The following DZIP3 variants were observed in gnomAD, a reference collection of about 807,000 sequenced individuals.
DZIP3 encodes E3 ubiquitin-protein ligase DZIP3.
A neutral mutation model predicts 162.0 loss-of-function variants in DZIP3; 118 were observed. The ratio of observed to expected loss-of-function variants is 0.73; its 90% CI spans 0.63 to 0.85. The LOEUF is 0.85. Ranked by LOEUF, DZIP3 falls within the 40% of genes least tolerant of loss-of-function variation. The pLI is 0.00. For missense variants in DZIP3, 1,331 were observed against 1,407.0 expected (o/e 0.95, Z 0.86); for synonymous variants, 438 against 458.6 (o/e 0.96, Z 0.57).
At chr3:108,616,745 G>C in intron 5 of DZIP3, 88 bp downstream of exon 5, 1 of 892,922 alleles carries the variant, frequency 1.1e-6, no homozygotes, top group East Asian at 2.6e-5. Context: ...TTATTTTAAG[G>C]TGTGGGCCAA....
At chr3:108,614,397 C>T (rs1467552185) in intron 4 of DZIP3, among the ~76,000 whole-genome samples, 1 of 152,170 alleles carries the variant, frequency 6.6e-6, no homozygotes, top group Non-Finnish European at 1.5e-5. Flanking sequence ...AAACTGGACA[C>T]ATTTTTTTCT....
At chr3:108,638,083 G>A (rs1449050435) in intron 12 of DZIP3, among the ~76,000 whole-genome samples, 2 of 152,084 alleles carry the variant, frequency 1.3e-5, no homozygotes, top group East Asian at 1.9e-4. Flanking sequence ...TAGGGACATT[G>A]CATTGACATC....
rs770292878 is a variant in DZIP3, at chr3:108,687,987, C to A, written c.3161C>A (p.Thr1054Lys). ...TTGATCTCTTGCAGAAAGGAACTTA[C>A]AGATTTCTTACGGAAATTGAAGGAT... The part of the protein sequence containing the change: ...AFPQQTRKEL[T>K]DFLRKLKDAY... The change falls in exon 29 of 33, where the codon ACA becomes AAA. Residue 1054 changes from threonine (T) to lysine (K), a missense_variant. Thr to Lys is a moderately conservative substitution (Grantham distance 78). Around this residue, in one of 2 missense-constraint regions of DZIP3, gnomAD observed 1,278 missense variants for 1,317.1 expected, o/e 0.97. Coordinates refer to ENST00000361582, the MANE Select transcript of DZIP3 (RefSeq NM_014648.4). The A allele has an allele frequency of 2.5e-6, 4 of 1,613,438 alleles. No homozygotes were observed. The highest frequency in any genetic ancestry group is 1.1e-5 in the South Asian group (1 of 91,072).
At chr3:108,680,469 A>T (rs565470473) in intron 26 of DZIP3, among the ~76,000 whole-genome samples, 81 of 152,254 alleles carry the variant, frequency 5.3e-4, no homozygotes, top group African/African-American at 1.8e-3. Context: ...AACATACAAG[A>T]ATCAATAGCA....
rs1435653671 is a variant in DZIP3 at position 108,694,148 on chromosome 3, C to T, written c.*795C>T. On this transcript the variant is annotated 3_prime_UTR_variant, in exon 33 of 33. Transcript: ENST00000361582. Reference sequence around the variant, plus strand: ...ACAATTTTGCCTCCATATTTCAGTGCAAATATATTTTGAAGTTACTTTTAA... The same window carrying T: ...ACAATTTTGCCTCCATATTTCAGTGTAAATATATTTTGAAGTTACTTTTAA... 3 of 151,974 alleles carry T rather than the reference C, an allele frequency of 2.0e-5. No homozygotes were observed. The highest frequency in any genetic ancestry group is 4.4e-5 in the Non-Finnish European group (3 of 68,002). The allele number at this position is 151,974 out of a possible 1,614,324, so 9.4% of individuals were successfully genotyped here.
chr3:108,665,372 G>C (rs1943624140), intron 21 of DZIP3, among the ~76,000 whole-genome samples: 1 of 152,062 alleles, frequency 6.6e-6, no homozygotes, highest in Non-Finnish European at 1.5e-5. Context: ...ACAGAGGATT[G>C]AATCAGTGAA....
In DZIP3 at chr3:108,634,834, A is replaced by G. The variant is rs781276207; in HGVS notation, c.817-37A>G. On this transcript the variant is annotated intron_variant, in intron 9 of 32. Transcript: ENST00000361582. ...TTTTTTTATCTATACAAGAATCACC[A>G]TGTCCTTATTGATAACTTACTTTTA... The G allele has an allele frequency of 1.3e-5, 18 of 1,362,090 alleles. No homozygotes were observed. In the South Asian group the frequency reaches 1.9e-4, roughly 14 times the overall value. The allele number at this position is 1,362,090 out of a possible 1,614,324, so 84.4% of individuals were successfully genotyped here. A position where few individuals can be genotyped will look rare whatever the true frequency, so the allele number is the denominator to read the frequency against.
chr3:108,686,341 T>C lies in DZIP3; in HGVS notation c.3010-104T>C. On this transcript the variant is annotated intron_variant, in intron 27 of 32. Coordinates refer to ENST00000361582, the MANE Select transcript of DZIP3 (RefSeq NM_014648.4). Reference sequence around the variant, plus strand: ...TAAGAGAAAAACTGTAAAAATTGAATGTGTATGCCAGTACGCTTCTTCATT... The same window carrying C: ...TAAGAGAAAAACTGTAAAAATTGAACGTGTATGCCAGTACGCTTCTTCATT... The C allele has an allele frequency of 2.8e-6, 3 of 1,056,344 alleles. No individual in the cohort carries two copies. The South Asian group carries it at 9.6e-5, about 34-fold the overall frequency. The allele number at this position is 1,056,344 out of a possible 1,614,324, so 65.4% of individuals were successfully genotyped here.
intron 7 of DZIP3, among the ~76,000 whole-genome samples, chr3:108,627,368 G>A (rs938494808): frequency 2.0e-5 from 3 of 152,148 alleles, no homozygotes; most frequent in Non-Finnish European, 4.4e-5. Context: ...GCTCCTCAAA[G>A]ACACTGGTGC....
In DZIP3 at chr3:108,674,190, T is replaced by C. The variant is rs200914670; in HGVS notation, c.2693+9T>C. The C allele has an allele frequency of 1.2e-6, 2 of 1,607,998 alleles. No homozygotes were observed. Among genetic ancestry groups the C allele is most frequent in the Non-Finnish European group, 1.7e-6 (2 of 1,175,270 alleles). On this transcript the variant is annotated intron_variant, in intron 24 of 32. Coordinates refer to ENST00000361582, the MANE Select transcript of DZIP3 (RefSeq NM_014648.4). The stretch of plus-strand genomic sequence containing the variant: ...ACTCACATGGCAGCAAGGTAACCTT[T>C]CCCTCTTCCTTAATGCATCTTAATT...
chr3:108,644,211 C>G lies in DZIP3; in HGVS notation c.1189C>G (p.Leu397Val). 1 of 1,608,846 alleles carries G rather than the reference C, an allele frequency of 6.2e-7. No individual in the cohort carries two copies. The highest frequency in any genetic ancestry group is 8.5e-7 in the Non-Finnish European group (1 of 1,177,872). The change falls in exon 14 of 33, where the codon CTT becomes GTT. Residue 397 changes from leucine to valine, a missense_variant. By Grantham distance (32) the Leu-to-Val change is conservative (BLOSUM62 1). Transcript: ENST00000361582. ...TGATTATAATTATTTCTATCATCTGCTTCATATAATTATTATTTCTGGTAC... is the reference window on the plus strand; with the variant it reads ...TGATTATAATTATTTCTATCATCTGGTTCATATAATTATTATTTCTGGTAC... The part of the protein sequence containing the change: ...KLDYNYFYHL[L>V]HIIIISGTDI...
At position 108,589,768 on chromosome 3, in the gene DZIP3, T is replaced by C. The variant is rs1939273288; in HGVS notation, c.-144T>C. 6.2e-6 allele frequency: 1 copy of C among 162,276 alleles called. No homozygotes were observed. The highest frequency in any genetic ancestry group is 2.4e-5 in the African/African-American group (1 of 41,658). The allele number at this position is 162,276 out of a possible 1,614,324, so 10.1% of individuals were successfully genotyped here. A position where few individuals can be genotyped will look rare whatever the true frequency, so the allele number is the denominator to read the frequency against. On this transcript the variant is annotated 5_prime_UTR_variant, in exon 1 of 33. Transcript: ENST00000361582. ...TCGTGCGCTTCCTCGTCCTTCATGT[T>C]GGATGGCCAGTTTTTCGTTTGTGCG...
rs761274248 is a variant in DZIP3, at chr3:108,644,638, G to A, written c.1616G>A (p.Arg539His). ...AAAAAAGTTTCAGATATTCTTCTGC[G>A]CCTTGGGATGATGCAAGAGGATATT... ...IWKKVSDILL[R>H]LGMMQEDIDK... The change falls in exon 14 of 33, where the codon CGC becomes CAC. Residue 539 changes from arginine to histidine, a missense_variant. Physicochemically the swap from Arg to His is conservative, Grantham distance 29. This residue lies in a region of DZIP3 where 1,278 missense variants were observed against 1,317.1 expected (regional missense o/e 0.97). Transcript: ENST00000361582. 7.4e-6 allele frequency: 12 copies of A among 1,613,888 alleles called. No individual in the cohort carries two copies. The highest frequency in any genetic ancestry group is 6.7e-5 in the East Asian group (3 of 44,888).
At chr3:108,651,515 A>G (rs554671341) in intron 18 of DZIP3, among the ~76,000 whole-genome samples, 3 of 151,718 alleles carry the variant, frequency 2.0e-5, no homozygotes, top group Admixed American at 1.3e-4. Context: ...TAAAGGATGC[A>G]TCACTCCTAG....
chr3:108,677,721 G>A, intron 26 of DZIP3, 123 bp downstream of exon 26: 1 of 840,190 alleles, frequency 1.2e-6, no homozygotes, highest in Non-Finnish European at 2.0e-6. Context: ...CATATTGTGA[G>A]TATCACTTGT....
intron 12 of DZIP3, among the ~76,000 whole-genome samples, chr3:108,639,607 T>C (rs1942298238): frequency 6.6e-6 from 1 of 152,106 alleles, no homozygotes; most frequent in Non-Finnish European, 1.5e-5. Flanking sequence ...TCTGGTTTCT[T>C]CAGCCAAAGA....
At chr3:108,659,024 C>T (rs1943286511) in intron 19 of DZIP3, among the ~76,000 whole-genome samples, 1 of 152,084 alleles carries the variant, frequency 6.6e-6, no homozygotes, top group Non-Finnish European at 1.5e-5. Flanking sequence ...AAAAAAAGTC[C>T]AGGACCAGAT....
intron 9 of DZIP3, among the ~76,000 whole-genome samples, chr3:108,634,510 A>G (rs1348062757): frequency 6.6e-6 from 1 of 152,090 alleles, no homozygotes; most frequent in Non-Finnish European, 1.5e-5. Flanking sequence ...CAGTAATGGT[A>G]TGGAGCTGGG....
Position 108,676,781 on chromosome 3 carries a change from C to T in DZIP3, c.2782-716C>T, listed in dbSNP as rs202239810. Among the ~76,000 whole-genome samples the T allele has an allele frequency of 1.1e-4, 17 of 152,196 alleles. No homozygotes were observed. The East Asian group carries it at 3.1e-3, about 28-fold the overall frequency. On this transcript the variant is annotated intron_variant, in intron 25 of 32. Transcript: ENST00000361582. ...CAAAATTTTTGCCTCAAAAGACCTGCCCCATGTTTTCTTCCAAGCACATGT... is the reference window on the plus strand; with the variant it reads ...CAAAATTTTTGCCTCAAAAGACCTGTCCCATGTTTTCTTCCAAGCACATGT...
Sources: allele counts gnomAD v4.1 joint callset (sites outside exome capture counted in the v4.1 genomes callset), GRCh38; gene constraint gnomAD v4.1.1; regional missense constraint gnomAD v4.1.1; transcripts MANE v1.5; gene names NCBI Gene and HGNC (gene_info 2026-07-23, HGNC 2026-07-21).